The following MARK4 variants were observed in gnomAD, a reference collection of about 807,000 sequenced individuals.
MARK4 encodes the protein MAP/microtubule affinity-regulating kinase 4.
In MARK4, 19 loss-of-function variants were observed where a neutral mutation model predicts 81.5. The ratio of observed to expected loss-of-function variants is 0.23; its 90% CI spans 0.16 to 0.34. The LOEUF is 0.34. Among genes scored for constraint, MARK4 ranks in the 10% least tolerant of loss-of-function variants. The pLI, the probability that MARK4 is intolerant of heterozygous loss-of-function variation, is 1.00. For missense variants in MARK4, 772 were observed against 1,058.8 expected (o/e 0.73, Z 3.76); for synonymous variants, 436 against 439.0 (o/e 0.99, Z 0.08).
At chr19:45,283,169 G>A (rs530720861) in intron 12 of MARK4, among the ~76,000 whole-genome samples, 1 of 152,068 alleles carries the variant, frequency 6.6e-6, no homozygotes, top group African/African-American at 2.4e-5. Context: ...TAGCACTTTG[G>A]GAGACTGAGG....
chr19:45,300,603 T>C (rs1191769531), intron 16 of MARK4, among the ~76,000 whole-genome samples: 1 of 152,034 alleles, frequency 6.6e-6, no homozygotes, highest in Non-Finnish European at 1.5e-5. Flanking sequence ...ACAAAACAAA[T>C]GGGTATGGCA....
chr19:45,298,693 C>T (rs11672894), intron 15 of MARK4, among the ~76,000 whole-genome samples: 46,721 of 152,004 alleles, frequency 0.31, 7,515 homozygotes, highest in South Asian at 0.38. Context: ...ACCCAACATT[C>T]TACTAAGGGA....
intron 14 of MARK4, among the ~76,000 whole-genome samples, chr19:45,295,266 G>A (rs1195144296): frequency 6.6e-6 from 1 of 152,050 alleles, no homozygotes; most frequent in African/African-American, 2.4e-5. Context: ...GGCAGAGGCA[G>A]GACAATGGCG....
intron 8 of MARK4, among the ~76,000 whole-genome samples, chr19:45,275,153 T>C (rs1044769273): frequency 7.7e-4 from 117 of 152,098 alleles, no homozygotes; most frequent in African/African-American, 2.4e-3. Context: ...CCCAGCTACT[T>C]GGGAGACTGA....
Position 45,301,557 on chromosome 19 carries a change from C to CAAAAAAAAA in MARK4, c.1923-803_1923-795dup, listed in dbSNP as rs10630193. Among the ~76,000 whole-genome samples, 26 of 49,514 alleles carry CAAAAAAAAA rather than the reference C, an allele frequency of 5.3e-4. 4 individuals carry two copies. Among genetic ancestry groups the CAAAAAAAAA allele is most frequent in the Non-Finnish European group, 8.5e-4 (25 of 29,420 alleles). 32.5% of individuals were successfully genotyped at this position (49,514 alleles called of 152,430 possible). The stretch of plus-strand genomic sequence containing the variant: ...GGGCGACAAGAGCGAAACTCTGTCT[C>CAAAAAAAAA]AAAAAAAAAAAAAAAAAAAAAAGCC... On this transcript the variant is annotated intron_variant, in intron 16 of 16. Coordinates refer to ENST00000262891, the MANE Select transcript of MARK4 (RefSeq NM_001199867.2).
intron 12 of MARK4, among the ~76,000 whole-genome samples, chr19:45,281,179 A>T (rs1337776124): frequency 6.6e-6 from 1 of 151,368 alleles, no homozygotes; most frequent in Admixed American, 6.6e-5. Context: ...TAGGCTCCCG[A>T]GTAGCTGGGA....
Position 45,277,916 on chromosome 19 carries a change from C to CCT in MARK4, c.787-6_787-5dup. 1 of 1,606,494 alleles carries CCT rather than the reference C, an allele frequency of 6.2e-7. No homozygotes were observed. The highest frequency in any genetic ancestry group is 8.5e-7 in the Non-Finnish European group (1 of 1,176,200). ...GACCCCCTCCTCCAGTAACCCCATC[C>CCT]CTGCAGGAGCTGCGGGAGCGAGTAC... On this transcript the variant is annotated splice_polypyrimidine_tract_variant and splice_region_variant and intron_variant, in intron 8 of 16. Transcript: ENST00000262891.
chr19:45,298,596 T>C (rs1970924048), intron 15 of MARK4, among the ~76,000 whole-genome samples: 2 of 152,234 alleles, frequency 1.3e-5, no homozygotes, highest in African/African-American at 4.8e-5. Flanking sequence ...ATTGCTATTA[T>C]TCATTGAGCC....
intron 2 of MARK4, among the ~76,000 whole-genome samples, chr19:45,261,259 C>T (rs1029621456): frequency 2.0e-5 from 3 of 152,096 alleles, no homozygotes; most frequent in African/African-American, 4.8e-5. Context: ...AGACAAGAAA[C>T]AAAATTACAG....
At chr19:45,298,272 A>G in intron 15 of MARK4, 1 of 1,580,236 alleles carries the variant, frequency 6.3e-7, no homozygotes, top group Non-Finnish European at 8.7e-7. Context: ...CCCTGCCTGC[A>G]TGTCTGACCT....
rs1422251847 is a variant in MARK4 at position 45,304,301 on chromosome 19, T to C, written c.*1591T>C. On this transcript the variant is annotated 3_prime_UTR_variant, in exon 17 of 17. Transcript: ENST00000262891. ...GCAAAAGTCCCAGGGCAGACTCTCA[T>C]TGGCCCAAATGGGCCATGTGATTTT... 6.6e-6 allele frequency: 1 copy of C among 152,210 alleles called. No homozygotes were observed. The highest frequency in any genetic ancestry group is 1.9e-4 in the East Asian group (1 of 5,188). The allele number at this position is 152,210 out of a possible 1,614,324, so 9.4% of individuals were successfully genotyped here. A position where few individuals can be genotyped will look rare whatever the true frequency, so the allele number is the denominator to read the frequency against.
Position 45,263,376 on chromosome 19 carries a change from G to A in MARK4, c.355+9G>A. The A allele has an allele frequency of 6.2e-7, 1 of 1,614,154 alleles. No homozygotes were observed. The highest frequency in any genetic ancestry group is 8.5e-7 in the Non-Finnish European group (1 of 1,180,012). On this transcript the variant is annotated intron_variant, in intron 4 of 16. Transcript: ENST00000262891. ...AAACCACCCCAACATCGGTGAGGAGGGAATGGGAGCAGGGGCAGGCCACCA... is the reference window on the plus strand; with the variant it reads ...AAACCACCCCAACATCGGTGAGGAGAGAATGGGAGCAGGGGCAGGCCACCA...
intron 6 of MARK4, among the ~76,000 whole-genome samples, chr19:45,265,145 C>A (rs185147829): frequency 2.6e-5 from 4 of 152,258 alleles, no homozygotes; most frequent in East Asian, 1.9e-4. Flanking sequence ...GGCATGAAGG[C>A]GCCCCGGTGG....
chr19:45,260,039 A>C (rs1256032517), intron 2 of MARK4, among the ~76,000 whole-genome samples: 2 of 151,940 alleles, frequency 1.3e-5, no homozygotes, highest in Non-Finnish European at 2.9e-5. Context: ...GTGAGCCGAG[A>C]TCATGCCACT....
intron 5 of MARK4, 24 bp downstream of exon 5, chr19:45,264,773 C>T (rs747551559): frequency 2.0e-5 from 32 of 1,613,880 alleles, no homozygotes; most frequent in Non-Finnish European, 2.6e-5. Context: ...CCTCTCCGCC[C>T]TGCCCCTGTG....
chr19:45,265,085 TC>T (rs1283569382), intron 6 of MARK4, among the ~76,000 whole-genome samples, 175 bp downstream of exon 6: 1 of 152,112 alleles, frequency 6.6e-6, no homozygotes, highest in African/African-American at 2.4e-5. Context: ...TGTGAGGGCA[TC>T]CGGATGTAGG....
chr19:45,264,758 C>T lies in MARK4; in HGVS notation c.421+9C>T. On this transcript the variant is annotated intron_variant, in intron 5 of 16. Coordinates refer to ENST00000262891, the MANE Select transcript of MARK4 (RefSeq NM_001199867.2). ...GGAGTACGCAAGTGCTGGTGAGCCG[C>T]CCACCCTCTCCGCCCTGCCCCTGTG... 1 of 1,614,010 alleles carries T rather than the reference C, an allele frequency of 6.2e-7. No individual in the cohort carries two copies.
intron 13 of MARK4, chr19:45,287,961 A>G (rs921075123): frequency 4.5e-6 from 2 of 445,612 alleles, no homozygotes; most frequent in Admixed American, 7.0e-5. Context: ...GGGAAAGGCC[A>G]GGCACAGTGG....
At position 45,302,276 on chromosome 19, in the gene MARK4, C is replaced by A; in HGVS notation, c.1923-98C>A. The A allele has an allele frequency of 6.3e-7, 1 of 1,580,950 alleles. No individual in the cohort carries two copies. Among genetic ancestry groups the A allele is most frequent in the Non-Finnish European group, 8.6e-7 (1 of 1,161,952 alleles). ...GGGAAGATGTTTTTTGAGGGGATGGCTAGGAATGTGTCCCGAATTGGGAAG... is the reference window on the plus strand; with the variant it reads ...GGGAAGATGTTTTTTGAGGGGATGGATAGGAATGTGTCCCGAATTGGGAAG... On this transcript the variant is annotated intron_variant, in intron 16 of 16. Coordinates refer to ENST00000262891, the MANE Select transcript of MARK4 (RefSeq NM_001199867.2). This position sits in a 1 kb window ranked among gnomAD's most constrained non-coding sequence, Gnocchi z 4.9.
Sources: gnomAD v4.1 joint callset for allele counts (sites outside exome capture counted in the v4.1 genomes callset) on GRCh38, gnomAD v4.1.1 for gene constraint, Gnocchi (gnomAD v3.1) non-coding constraint, MANE v1.5 for transcripts, NCBI Gene and HGNC (gene_info 2026-07-23, HGNC 2026-07-21) for gene names.